The following MED22 variants were observed in gnomAD, a reference collection of about 807,000 sequenced individuals.
MED22 encodes mediator complex subunit 22.
In MED22, 22 loss-of-function variants were observed where a neutral mutation model predicts 22.7. That is an observed-to-expected ratio of 0.97 (90% CI 0.69 to 1.38). MED22 has a LOEUF of 1.38. MED22 is among the 40% of genes most tolerant of loss of function. The pLI is 0.00. For synonymous variants in MED22, 134 were observed against 119.4 expected (o/e 1.12, Z -0.80); for missense variants, 247 against 263.0 (o/e 0.94, Z 0.42).
intron 4 of MED22, chr9:133,343,482 T>C: frequency 8.1e-7 from 1 of 1,234,540 alleles, no homozygotes. Flanking sequence ...TGATGGGTTT[T>C]GACCCTTCTG....
At position 133,341,619 on chromosome 9, in the gene MED22, A is replaced by G; in HGVS notation, c.489T>C (p.Ala163=). The part of the protein sequence containing the change: ...YGRLDLDTDS[A]DGLSAPLLAS... ...CCAGCAGAGGGGCCGAGAGGCCATC[A>G]GCAGAGTCTGTGTCGAGGTCCAGCC... The change falls in exon 5 of 5, where the codon GCT becomes GCC. Residue 163 remains alanine (A), a synonymous_variant. Coordinates refer to ENST00000343730, the MANE Select transcript of MED22 (RefSeq NM_133640.5). 1 of 1,600,232 alleles carries G rather than the reference A, an allele frequency of 6.2e-7. No homozygotes were observed. The highest frequency in any genetic ancestry group is 1.4e-5 in the African/African-American group (1 of 74,032).
rs149503606 is a variant in MED22, at chr9:133,339,047, A to G, written c.*2458T>C. ...CCAATATATGTTCTCTAGGCCTTTC[A>G]GAAAACATGCAGTTGTTCCTTTGGC... On this transcript the variant is annotated 3_prime_UTR_variant, in exon 5 of 5. Transcript: ENST00000343730. 1,993 of 741,360 alleles carry G rather than the reference A, an allele frequency of 2.7e-3. 35 individuals carry two copies. The highest frequency in any genetic ancestry group is 0.025 in the East Asian group (883 of 34,844). 45.9% of individuals were successfully genotyped at this position (741,360 alleles called of 1,614,324 possible).
chr9:133,345,483 A>G (rs1836154658), intron 2 of MED22, among the ~76,000 whole-genome samples: 2 of 152,070 alleles, frequency 1.3e-5, no homozygotes. Context: ...TTTGCTCAAG[A>G]CAAATAGAGG....
Position 133,344,302 on chromosome 9 carries a change from A to G in MED22, c.236T>C (p.Val79Ala). ...VRAGESLMKL[V>A]SDLKQFLILN... ...GATCAGGAACTGCTTGAGGTCGGAC[A>G]CCAGCTTCATCAGGGACTCGCCGGC... Residue 79 changes from valine (V) to alanine (A), a missense_variant, in exon 4 of 5, where the codon GTG becomes GCG. Coordinates refer to ENST00000343730, the MANE Select transcript of MED22 (RefSeq NM_133640.5). 1 of 1,614,140 alleles carries G rather than the reference A, an allele frequency of 6.2e-7. No homozygotes were observed. The highest frequency in any genetic ancestry group is 8.5e-7 in the Non-Finnish European group (1 of 1,180,028).
At chr9:133,343,784 C>T in intron 4 of MED22, 1 of 1,367,814 alleles carries the variant, frequency 7.3e-7, no homozygotes, top group East Asian at 2.6e-5. Flanking sequence ...ACAGGAGCAG[C>T]ACAGCCCCAG....
chr9:133,343,548 T>C, intron 4 of MED22: 1 of 1,238,932 alleles, frequency 8.1e-7, no homozygotes, highest in Non-Finnish European at 1.0e-6. Flanking sequence ...GCTCCGTGGA[T>C]AAGGCTGAGT....
At position 133,346,533 on chromosome 9, in the gene MED22, C is replaced by T; in HGVS notation, c.123+7G>A. 1 of 1,612,140 alleles carries T rather than the reference C, an allele frequency of 6.2e-7. No homozygotes were observed. Among genetic ancestry groups the T allele is most frequent in the Non-Finnish European group, 8.5e-7 (1 of 1,179,850 alleles). On this transcript the variant is annotated splice_region_variant and intron_variant, in intron 2 of 4. Transcript: ENST00000343730. ...CTGCTCCCCTTGGTGGGCCACCCCA[C>T]CCCCACCTTGGCGGTCTTGATGATC... is the stretch of plus-strand genomic sequence containing the variant.
In MED22 at chr9:133,346,687, G is replaced by T; in HGVS notation, c.-25C>A. 1 of 1,607,570 alleles carries T rather than the reference G, an allele frequency of 6.2e-7. No homozygotes were observed. The highest frequency in any genetic ancestry group is 1.1e-5 in the South Asian group (1 of 90,952). ...TGGCCGAGCCTCAAGCAGCGCAGCG[G>T]GGAGACCTGGGACCTAGAGTGCAGC... On this transcript the variant is annotated 5_prime_UTR_variant, in exon 2 of 5. Coordinates refer to ENST00000343730, the MANE Select transcript of MED22 (RefSeq NM_133640.5).
intron 4 of MED22, chr9:133,342,176 T>A (rs1836024823): frequency 1.0e-6 from 1 of 991,484 alleles, no homozygotes; most frequent in Non-Finnish European, 1.2e-6. Context: ...GGGGCGACAG[T>A]TGGGAACACA....
chr9:133,341,258 G>C lies in MED22; in HGVS notation c.*247C>G. ...AAACTTTCTTCCACCTGGCTGGCCA[G>C]GAAGGCAGCAAACAGAGATGATGAC... On this transcript the variant is annotated 3_prime_UTR_variant, in exon 5 of 5. Coordinates refer to ENST00000343730, the MANE Select transcript of MED22 (RefSeq NM_133640.5). 1 of 416,262 alleles carries C rather than the reference G, an allele frequency of 2.4e-6. No homozygotes were observed. Among genetic ancestry groups the C allele is most frequent in the Non-Finnish European group, 4.2e-6 (1 of 239,050 alleles). 25.8% of individuals were successfully genotyped at this position (416,262 alleles called of 1,614,324 possible). A position where few individuals can be genotyped will look rare whatever the true frequency, so the allele number is the denominator to read the frequency against.
intron 4 of MED22, 108 bp from the exon 5 acceptor site, chr9:133,341,802 C>T: frequency 6.7e-7 from 1 of 1,486,604 alleles, no homozygotes; most frequent in South Asian, 1.4e-5. Flanking sequence ...GACCACACCC[C>T]AGACCTGCCT....
chr9:133,342,790 C>T (rs1352371338), intron 4 of MED22: 1 of 985,718 alleles, frequency 1.0e-6, no homozygotes, highest in African/African-American at 1.7e-5. Flanking sequence ...TGGGGGAGGG[C>T]ATGGGAAGCC....
At chr9:133,342,988 C>T (rs1050067550) in intron 4 of MED22, 29 of 986,110 alleles carry the variant, frequency 2.9e-5, no homozygotes, top group African/African-American at 3.5e-5. Context: ...AGGAGATGCC[C>T]AGAAGGGTCT....
At chr9:133,341,749 C>T in intron 4 of MED22, 55 bp from the exon 5 acceptor site, 1 of 1,580,596 alleles carries the variant, frequency 6.3e-7, no homozygotes, top group Non-Finnish European at 8.6e-7. Flanking sequence ...AGAGGAAAGC[C>T]AGGGGAGGGG....
intron 4 of MED22, chr9:133,342,720 G>A: frequency 3.0e-6 from 3 of 986,060 alleles, no homozygotes; most frequent in South Asian, 4.7e-5. Context: ...TGGACAGGAG[G>A]CCTGCGGGAG....
chr9:133,338,468 G>A lies in MED22; in HGVS notation c.*3037C>T, dbSNP rs1296300757. On this transcript the variant is annotated 3_prime_UTR_variant, in exon 5 of 5. Coordinates refer to ENST00000343730, the MANE Select transcript of MED22 (RefSeq NM_133640.5). ...TTATAGGCATGGACCAGCACGCCCGGCTAATTTTTGTATTTTTAGTAGAGA... is the reference window on the plus strand; with the variant it reads ...TTATAGGCATGGACCAGCACGCCCGACTAATTTTTGTATTTTTAGTAGAGA... 5.8e-5 allele frequency: 9 copies of A among 156,360 alleles called. No homozygotes were observed. The highest frequency in any genetic ancestry group is 1.9e-4 in the East Asian group (1 of 5,326). 9.7% of individuals were successfully genotyped at this position (156,360 alleles called of 1,614,324 possible).
At chr9:133,343,632 C>T in intron 4 of MED22, 1 of 1,246,620 alleles carries the variant, frequency 8.0e-7, no homozygotes, top group South Asian at 3.8e-5. Flanking sequence ...ATTCCCATGA[C>T]TGTCCCTGCC....
intron 4 of MED22, chr9:133,342,468 A>G: frequency 1.0e-6 from 1 of 986,316 alleles, no homozygotes; most frequent in Non-Finnish European, 1.2e-6. Context: ...ATCCCGAGGA[A>G]CGCAAAGGAG....
intron 2 of MED22, among the ~76,000 whole-genome samples, chr9:133,346,018 A>G (rs948929819): frequency 6.6e-6 from 1 of 152,242 alleles, no homozygotes; most frequent in Non-Finnish European, 1.5e-5. Context: ...TAACCTCACA[A>G]CGTGGCTTGA....
Sources: gnomAD v4.1 joint callset for allele counts (sites outside exome capture counted in the v4.1 genomes callset) on GRCh38, gnomAD v4.1.1 for gene constraint, MANE v1.5 for transcripts, NCBI Gene and HGNC (gene_info 2026-07-23, HGNC 2026-07-21) for gene names.